CTNNA2: variants seen among roughly 807,000 people sequenced by gnomAD.
CTNNA2 encodes the protein catenin alpha 2.
A neutral mutation model predicts 101.0 loss-of-function variants in CTNNA2; 42 were observed. That is an observed-to-expected ratio of 0.42 (90% CI 0.32 to 0.54). The LOEUF is 0.54. CTNNA2 is among the 20% of genes least tolerant of loss of function. The pLI, the probability that CTNNA2 is intolerant of heterozygous loss-of-function variation, is 0.14. For synonymous variants in CTNNA2, 450 were observed against 456.4 expected, an observed-to-expected ratio of 0.99 and a Z score of 0.18; for missense variants, 871 against 1,223.1, an observed-to-expected ratio of 0.71 and a Z score of 4.29.
At chr2:80,205,987 A>G (rs1226366547) in intron 7 of CTNNA2, among the ~76,000 whole-genome samples, 3 of 152,252 alleles carry the variant, frequency 2.0e-5, no homozygotes, top group Admixed American at 1.3e-4. Flanking sequence ...GACTTTAGAT[A>G]TAGCCTTTCA....
intron 2 of CTNNA2, among the ~76,000 whole-genome samples, chr2:79,734,961 T>C (rs1670767115): frequency 6.6e-6 from 1 of 152,126 alleles, no homozygotes; most frequent in Non-Finnish European, 1.5e-5. Flanking sequence ...TGTCCTCCCA[T>C]TGAGGTAAGT....
chr2:79,767,228 G>A (rs555177303), intron 3 of CTNNA2, among the ~76,000 whole-genome samples: 1 of 152,060 alleles, frequency 6.6e-6, no homozygotes, highest in South Asian at 2.1e-4. Context: ...AAATGTATCT[G>A]ATAGAATTTT....
At chr2:79,217,803 A>G (rs1311559110) in intron 2 of CTNNA2, among the ~76,000 whole-genome samples, 1 of 152,050 alleles carries the variant, frequency 6.6e-6, no homozygotes, top group Non-Finnish European at 1.5e-5. Context: ...TAAACACAAA[A>G]CCTCATTCTA....
intron 2 of CTNNA2, among the ~76,000 whole-genome samples, chr2:79,675,159 C>T (rs1168868344): frequency 3.3e-5 from 5 of 152,056 alleles, no homozygotes; most frequent in Non-Finnish European, 7.4e-5. Flanking sequence ...ATTAATTATC[C>T]AAACTGAATT....
At chr2:80,462,319 T>C (rs1484458540) in intron 9 of CTNNA2, among the ~76,000 whole-genome samples, 1 of 152,200 alleles carries the variant, frequency 6.6e-6, no homozygotes, top group East Asian at 1.9e-4. Context: ...TTCAAATTTA[T>C]TTATTTTTTT....
chr2:80,344,598 C>T (rs1672552310), intron 7 of CTNNA2, among the ~76,000 whole-genome samples: 1 of 152,186 alleles, frequency 6.6e-6, no homozygotes, highest in South Asian at 2.1e-4. Context: ...GATCCTCCTG[C>T]CCCAGCATCC....
chr2:80,648,538 T>G lies in CTNNA2; in HGVS notation c.*666T>G, dbSNP rs1255962253. On this transcript the variant is annotated 3_prime_UTR_variant, in exon 19 of 19. Transcript: ENST00000402739. Reference sequence around the variant, plus strand: ...ACAATAAACATCTATTTGAGACAATTAAAATCCTTCTGGGGGCACTGGAAG... The same window carrying G: ...ACAATAAACATCTATTTGAGACAATGAAAATCCTTCTGGGGGCACTGGAAG... 6.6e-6 allele frequency: 1 copy of G among 152,614 alleles called. No homozygotes were observed. Among genetic ancestry groups the G allele is most frequent in the Non-Finnish European group, 1.5e-5 (1 of 68,034 alleles). The allele number at this position is 152,614 out of a possible 1,614,324, so 9.5% of individuals were successfully genotyped here. A position where few individuals can be genotyped will look rare whatever the true frequency, so the allele number is the denominator to read the frequency against.
chr2:79,726,934 T>C (rs1425079079), intron 2 of CTNNA2, among the ~76,000 whole-genome samples: 2 of 152,200 alleles, frequency 1.3e-5, no homozygotes, highest in Admixed American at 6.5e-5. Flanking sequence ...TGAGTCGGTT[T>C]TAAATAGTCT....
intron 2 of CTNNA2, among the ~76,000 whole-genome samples, chr2:79,267,659 T>C (rs1263934007): frequency 6.6e-6 from 1 of 152,128 alleles, no homozygotes; most frequent in Admixed American, 6.5e-5. Flanking sequence ...AAATACACTA[T>C]CACCCACCAA....
At chr2:79,187,350 A>G (rs10165389) in intron 1 of CTNNA2, among the ~76,000 whole-genome samples, 24,168 of 145,556 alleles carry the variant, frequency 0.17, 2,204 homozygotes, top group Middle Eastern at 0.2. Context: ...GCTCACTGCA[A>G]TTTCTGCCTC....
chr2:80,546,171 A>G (rs1692043540), intron 11 of CTNNA2, 108 bp downstream of exon 11: 1 of 1,343,840 alleles, frequency 7.4e-7, no homozygotes, highest in African/African-American at 1.5e-5. Context: ...CGCACTCCTT[A>G]GATCTTTGAG....
intron 8 of CTNNA2, among the ~76,000 whole-genome samples, chr2:80,418,445 T>G (rs1225447344): frequency 6.6e-6 from 1 of 152,208 alleles, no homozygotes; most frequent in Admixed American, 6.5e-5. Context: ...ACATAGACTT[T>G]ATTACATTTT....
intron 4 of CTNNA2, among the ~76,000 whole-genome samples, chr2:79,862,010 G>A (rs1027350163): frequency 2.6e-5 from 4 of 152,176 alleles, no homozygotes; most frequent in Non-Finnish European, 5.9e-5. Flanking sequence ...AATCCTGCAT[G>A]TCAATCAGTG....
rs1030952266 is a variant in CTNNA2, at chr2:80,429,183, C to G, written c.1290+9582C>G. On this transcript the variant is annotated intron_variant, in intron 9 of 18. Transcript: ENST00000402739. The stretch of plus-strand genomic sequence containing the variant: ...ATTTTGTAAGGTTTTCTATAATACA[C>G]AATAAAGCATTGCAGAAAAGTTCAA... Among the ~76,000 whole-genome samples, 12 of 152,216 alleles carry G rather than the reference C, an allele frequency of 7.9e-5. No homozygotes were observed. In the East Asian group the frequency reaches 2.3e-3, roughly 29 times the overall value.
At chr2:80,533,925 C>G (rs1012891436) in intron 9 of CTNNA2, among the ~76,000 whole-genome samples, 4 of 152,142 alleles carry the variant, frequency 2.6e-5, no homozygotes, top group African/African-American at 9.7e-5. Context: ...GAGCCAGCAT[C>G]AAGAAGGCAT....
At chr2:80,206,144 T>C (rs768619323) in intron 7 of CTNNA2, among the ~76,000 whole-genome samples, 1 of 152,230 alleles carries the variant, frequency 6.6e-6, no homozygotes, top group African/African-American at 2.4e-5. Context: ...TATGGAAATC[T>C]ATTATTATTT....
chr2:79,478,685 A>T (rs1203589368), intron 4 of CTNNA2, among the ~76,000 whole-genome samples: 1 of 152,198 alleles, frequency 6.6e-6, no homozygotes, highest in Non-Finnish European at 1.5e-5. Flanking sequence ...CCATTAATTC[A>T]TACCTCTTAC....
chr2:79,861,639 A>G (rs538527399), intron 4 of CTNNA2, among the ~76,000 whole-genome samples: 3 of 152,344 alleles, frequency 2.0e-5, no homozygotes, highest in South Asian at 2.1e-4. Flanking sequence ...TACTTGTTCT[A>G]TCATGCAAGT....
At chr2:80,205,140 C>G (rs948270037) in intron 7 of CTNNA2, among the ~76,000 whole-genome samples, 4 of 152,164 alleles carry the variant, frequency 2.6e-5, no homozygotes, top group Non-Finnish European at 4.4e-5. Context: ...CCATATCATA[C>G]ACTCAGTTCT....
Sources: allele counts gnomAD v4.1 joint callset (sites outside exome capture counted in the v4.1 genomes callset), GRCh38; gene constraint gnomAD v4.1.1; transcripts MANE v1.5; gene names NCBI Gene and HGNC (gene_info 2026-07-23, HGNC 2026-07-21).